The following RAF1 variants were observed in gnomAD, a reference collection of about 807,000 sequenced individuals.
RAF1 encodes the protein RAF proto-oncogene serine/threonine-protein kinase.
Under a neutral mutation model 81.1 loss-of-function variants are expected in RAF1, and 27 were observed. That is an observed-to-expected ratio of 0.33 (90% CI 0.25 to 0.46). The LOEUF (loss-of-function observed/expected upper bound fraction) is 0.46, where lower values mean the gene tolerates loss of function less well. Among genes scored for constraint, RAF1 ranks in the 20% least tolerant of loss-of-function variants. The pLI, the probability that RAF1 is intolerant of heterozygous loss-of-function variation, is 1.00. For missense variants in RAF1, 598 were observed against 826.0 expected, an observed-to-expected ratio of 0.72 and a Z score of 3.38; for synonymous variants, 298 against 294.0, an observed-to-expected ratio of 1.01 and a Z score of -0.14.
chr3:12,610,209 A>C (rs1375036474), intron 3 of RAF1, among the ~76,000 whole-genome samples: 1 of 152,196 alleles, frequency 6.6e-6, no homozygotes, highest in Non-Finnish European at 1.5e-5. Context: ...TTCTCAGGTA[A>C]AGAGAAAATA....
intron 8 of RAF1, chr3:12,603,406 T>TA: frequency 1.7e-6 from 1 of 600,070 alleles, no homozygotes; most frequent in Non-Finnish European, 3.0e-6. Context: ...TCATTTTTGG[T>TA]AGTCTGCTGT....
At chr3:12,661,770 T>C (rs1575696485) in intron 1 of RAF1, among the ~76,000 whole-genome samples, 2 of 152,146 alleles carry the variant, frequency 1.3e-5, no homozygotes, top group African/African-American at 4.8e-5. Flanking sequence ...TTTATAAAGT[T>C]AACATTTTTG....
chr3:12,598,623 G>C (rs1298797893), intron 11 of RAF1, among the ~76,000 whole-genome samples: 1 of 150,976 alleles, frequency 6.6e-6, no homozygotes, highest in East Asian at 2.0e-4. Context: ...CTACTTGGGA[G>C]GCTTAGGCAG....
intron 1 of RAF1, among the ~76,000 whole-genome samples, chr3:12,661,275 T>C (rs2060868721): frequency 6.6e-6 from 1 of 152,198 alleles, no homozygotes; most frequent in African/African-American, 2.4e-5. Context: ...CAGGTTGTTA[T>C]CCGAGAAGTC....
intron 11 of RAF1, among the ~76,000 whole-genome samples, chr3:12,593,799 T>C (rs1291280040): frequency 1.3e-5 from 2 of 148,832 alleles, no homozygotes; most frequent in African/African-American, 4.9e-5. Context: ...TTTTTTTTTT[T>C]TTTTTTCTTT....
intron 14 of RAF1, 94 bp from the exon 14 acceptor site, chr3:12,585,893 C>T (rs2058318788): frequency 1.1e-6 from 1 of 891,690 alleles, no homozygotes; most frequent in Non-Finnish European, 1.9e-6. Flanking sequence ...AATCTCTCCA[C>T]CTTACCTCTG....
rs2059011383 is a variant in RAF1 at position 12,605,863 on chromosome 3, T to C, written c.680+338A>G. Among the ~76,000 whole-genome samples the C allele has an allele frequency of 2.0e-5, 3 of 152,244 alleles. 1 individual carries two copies. The South Asian group carries it at 6.2e-4, about 31-fold the overall frequency. On this transcript the variant is annotated intron_variant, in intron 6 of 17. Transcript: ENST00000442415. ...GGGTTTTATTTTTATCAAATCACTG[T>C]ATTAAGTTTTAGGACCCTTTCCATT...
At chr3:12,603,821 C>G (rs992150795) in intron 7 of RAF1, among the ~76,000 whole-genome samples, 5 of 152,122 alleles carry the variant, frequency 3.3e-5, no homozygotes, top group African/African-American at 1.2e-4. Context: ...AATTTCTGTC[C>G]CACACCAAAA....
intron 1 of RAF1, among the ~76,000 whole-genome samples, chr3:12,657,200 A>G (rs1007493343): frequency 6.6e-6 from 1 of 152,184 alleles, no homozygotes; most frequent in Non-Finnish European, 1.5e-5. Context: ...AAGACACAGA[A>G]GCAAGAATTG....
intron 6 of RAF1, 28 bp downstream of exon 6, chr3:12,606,172 TA>T (rs2059022498): frequency 6.4e-7 from 1 of 1,561,984 alleles, no homozygotes; most frequent in Non-Finnish European, 8.8e-7. Context: ...AATAACTTTC[TA>T]AAAGAAAAGC....
At chr3:12,618,836 CTA>C (rs1256486008) in intron 1 of RAF1, 89 bp from the exon 2 acceptor site, 2 of 1,072,440 alleles carry the variant, frequency 1.9e-6, no homozygotes, top group Non-Finnish European at 2.8e-6. Flanking sequence ...GAAAATAGCA[CTA>C]TGTGGGTTTT....
In RAF1 at chr3:12,650,205, TCCCAGCTA is replaced by T. The variant is rs138414339; in HGVS notation, c.-27+13600_-27+13607del. On this transcript the variant is annotated intron_variant, in intron 1 of 17. Transcript: ENST00000442415. ...TCAGGCATGGTAGTCATGCCTACAG[TCCCAGCTA>T]CTCAGGAGGCTAAGATAGAAGGATT... is the stretch of plus-strand genomic sequence containing the variant. 1.7e-3 allele frequency among the ~76,000 whole-genome samples: 253 copies of T among 144,674 alleles called. 1 individual carries two copies. Among genetic ancestry groups the T allele is most frequent in the African/African-American group, 6.2e-3 (244 of 39,248 alleles). The allele number at this position is 144,674 out of a possible 152,430, so 94.9% of individuals were successfully genotyped here. A position where few individuals can be genotyped will look rare whatever the true frequency, so the allele number is the denominator to read the frequency against.
intron 3 of RAF1, 27 bp downstream of exon 3, chr3:12,611,923 G>T: frequency 6.6e-7 from 1 of 1,525,260 alleles, no homozygotes; most frequent in Non-Finnish European, 9.1e-7. Flanking sequence ...CTAGTCTGAA[G>T]AAGTCAATTG....
In RAF1 at chr3:12,619,245, AAAAAC is replaced by A. The variant is rs369992000; in HGVS notation, c.-26-503_-26-499del. Among the ~76,000 whole-genome samples, 709 of 151,560 alleles carry A rather than the reference AAAAAC, an allele frequency of 4.7e-3. 8 individuals carry two copies. The highest frequency in any genetic ancestry group is 0.016 in the African/African-American group (652 of 41,108). ...GGGTGACAGAGCAAGACTCCACCTCAAAAACAAAACAAAACAAAACAAAACATTTA... is the reference window on the plus strand; with the variant it reads ...GGGTGACAGAGCAAGACTCCACCTCAAAAACAAAACAAAACAAAACATTTA... On this transcript the variant is annotated intron_variant, in intron 1 of 17. Coordinates refer to ENST00000442415, the MANE Select transcript of RAF1 (RefSeq NM_001354689.3).
At chr3:12,653,560 CATG>C (rs1575676764) in intron 1 of RAF1, among the ~76,000 whole-genome samples, 2 of 152,184 alleles carry the variant, frequency 1.3e-5, no homozygotes, top group East Asian at 3.9e-4. Flanking sequence ...GCCTGGCCAA[CATG>C]ATGAAACCCT....
chr3:12,663,514 G>A (rs1261908775), intron 1 of RAF1, among the ~76,000 whole-genome samples: 1 of 152,246 alleles, frequency 6.6e-6, no homozygotes, highest in Non-Finnish European at 1.5e-5. Flanking sequence ...GCTCTGGGCG[G>A]ATTTTCCCAC....
intron 1 of RAF1, among the ~76,000 whole-genome samples, chr3:12,640,626 C>A (rs559341117): frequency 1.0e-3 from 158 of 152,292 alleles, no homozygotes; most frequent in African/African-American, 2.7e-3. Flanking sequence ...ATGCTCATCA[C>A]TGGCCATCAG....
chr3:12,598,941 T>TCTGAA (rs2058776294), intron 11 of RAF1, among the ~76,000 whole-genome samples: 1 of 152,050 alleles, frequency 6.6e-6, no homozygotes, highest in Non-Finnish European at 1.5e-5. Flanking sequence ...AATCTGAATT[T>TCTGAA]AGAAGAGATG....
rs372126717 is a variant in RAF1, at chr3:12,658,864, A to T, written c.-27+4949T>A. Among the ~76,000 whole-genome samples, 8 of 152,290 alleles carry T rather than the reference A, an allele frequency of 5.3e-5. No homozygotes were observed. The East Asian group carries it at 1.2e-3, about 22-fold the overall frequency. On this transcript the variant is annotated intron_variant, in intron 1 of 17. Transcript: ENST00000442415. The stretch of plus-strand genomic sequence containing the variant: ...ACATACTTTGTGAGTAATTTGCCAA[A>T]CTTTAGATAGTCTAGGCCAAAACCA...
Sources: allele counts gnomAD v4.1 joint callset (sites outside exome capture counted in the v4.1 genomes callset), GRCh38; gene constraint gnomAD v4.1.1; transcripts MANE v1.5; gene names NCBI Gene and HGNC (gene_info 2026-07-23, HGNC 2026-07-21).